Variants in ST3GAL1 observed in about 807,000 individuals in gnomAD.
ST3GAL1 encodes the protein ST3 beta-galactoside alpha-2,3-sialyltransferase 1.
A neutral mutation model predicts 34.1 loss-of-function variants in ST3GAL1; 16 were observed. The ratio of observed to expected loss-of-function variants is 0.47; its 90% confidence interval spans 0.32 to 0.71. The LOEUF (loss-of-function observed/expected upper bound fraction) is 0.71. ST3GAL1 is among the 30% of genes least tolerant of loss of function. The pLI, the probability that ST3GAL1 is intolerant of heterozygous loss-of-function variation, is 0.04. For missense variants in ST3GAL1, 353 were observed against 447.4 expected, an observed-to-expected ratio of 0.79 and a Z score of 1.90; for synonymous variants, 191 against 184.7, an observed-to-expected ratio of 1.03 and a Z score of -0.28.
chr8:133,462,529 G>A (rs912325736), intron 8 of ST3GAL1, among the ~76,000 whole-genome samples: 1 of 152,224 alleles, frequency 6.6e-6, no homozygotes, highest in African/African-American at 2.4e-5. Context: ...CAGTGGCTGA[G>A]CTGGGAGGAG....
At position 133,496,028 on chromosome 8, in the gene ST3GAL1, C is replaced by A. The variant is rs116447499; in HGVS notation, c.-374+3107G>T. ...AATTGACAGACGGACAGATGGATAA[C>A]CCAGTAGTGCTGAATGATGATGGGC... On this transcript the variant is annotated intron_variant, in intron 3 of 9. Transcript: ENST00000522652. 8.4e-3 allele frequency among the ~76,000 whole-genome samples: 1,278 copies of A among 152,258 alleles called. 19 individuals are homozygous for A. The highest frequency in any genetic ancestry group is 0.029 in the African/African-American group (1,211 of 41,528).
chr8:133,557,506 A>G (rs996955685), intron 1 of ST3GAL1, among the ~76,000 whole-genome samples: 2 of 152,052 alleles, frequency 1.3e-5, no homozygotes, highest in African/African-American at 2.4e-5. Context: ...CTGCCTGATG[A>G]TGGGTTGAGC....
At position 133,456,163 on chromosome 8, in the gene ST3GAL1, C is replaced by G. The variant is rs1275507880; in HGVS notation, c.*3601G>C. On this transcript the variant is annotated 3_prime_UTR_variant, in exon 10 of 10. Transcript: ENST00000522652. Reference sequence around the variant, plus strand: ...CATCCATTTATGAACTTTCTTCCAGCCCAGGATCCCTGCAGAGAACCAGAG... The same window carrying G: ...CATCCATTTATGAACTTTCTTCCAGGCCAGGATCCCTGCAGAGAACCAGAG... 6.6e-6 allele frequency: 1 copy of G among 152,218 alleles called. No homozygotes were observed. Among genetic ancestry groups the G allele is most frequent in the Non-Finnish European group, 1.5e-5 (1 of 68,040 alleles). 9.4% of individuals were successfully genotyped at this position (152,218 alleles called of 1,614,324 possible).
intron 2 of ST3GAL1, among the ~76,000 whole-genome samples, chr8:133,525,967 T>A (rs947666821): frequency 2.0e-5 from 3 of 152,172 alleles, no homozygotes; most frequent in African/African-American, 7.2e-5. Flanking sequence ...TCAGGGCTCC[T>A]GCCCTGCCAA....
chr8:133,541,106 T>TAGAGAG lies in ST3GAL1; in HGVS notation c.-429+4667_-429+4668insCTCTCT, dbSNP rs1563734604. On this transcript the variant is annotated intron_variant, in intron 2 of 9. Coordinates refer to ENST00000522652, the MANE Select transcript of ST3GAL1 (RefSeq NM_173344.3). ...ACATATATATATAAACATATATATA[T>TAGAGAG]ATATATATATATATAGAGAGAGAGA... is the stretch of plus-strand genomic sequence containing the variant. Among the ~76,000 whole-genome samples the TAGAGAG allele has an allele frequency of 9.9e-5, 5 of 50,326 alleles. No homozygotes were observed. In the South Asian group the frequency reaches 3.7e-3, roughly 37 times the overall value. The allele number at this position is 50,326 out of a possible 152,430, so 33.0% of individuals were successfully genotyped here. A position where few individuals can be genotyped will look rare whatever the true frequency, so the allele number is the denominator to read the frequency against.
intron 2 of ST3GAL1, among the ~76,000 whole-genome samples, chr8:133,506,281 GAAC>G (rs77154164): frequency 0.059 from 9,043 of 152,238 alleles, 368 homozygotes; most frequent in Non-Finnish European, 0.095. Context: ...TGTAAGATGA[GAAC>G]AACAGGACTG....
At chr8:133,491,582 C>T (rs7012778) in intron 3 of ST3GAL1, among the ~76,000 whole-genome samples, 141,688 of 152,250 alleles carry the variant, frequency 0.93, 65,970 homozygotes, top group East Asian at 1. Context: ...CGTGACTTCA[C>T]GGAAATATTT....
chr8:133,478,443 C>T lies in ST3GAL1; in HGVS notation c.-373-1843G>A, dbSNP rs569324758. Among the ~76,000 whole-genome samples the T allele has an allele frequency of 1.1e-3, 174 of 152,266 alleles. 1 individual carries two copies. Among genetic ancestry groups the T allele is most frequent in the South Asian group, 1.9e-3 (9 of 4,820 alleles). ...TAGAAGAGACTAGAGCTGAACAACC[C>T]GAACAAATGGTGCTAAATCCCTGAT... On this transcript the variant is annotated intron_variant, in intron 3 of 9. Coordinates refer to ENST00000522652, the MANE Select transcript of ST3GAL1 (RefSeq NM_173344.3).
At chr8:133,464,667 G>T in intron 7 of ST3GAL1, 111 bp downstream of exon 7, 1 of 1,218,234 alleles carries the variant, frequency 8.2e-7, no homozygotes, top group Non-Finnish European at 1.2e-6. Context: ...GGAGGAGGCT[G>T]GGGGAGGGGA....
intron 4 of ST3GAL1, 74 bp downstream of exon 4, chr8:133,476,204 A>T (rs948106259): frequency 3.1e-6 from 2 of 642,476 alleles, no homozygotes; most frequent in Non-Finnish European, 5.2e-6. Context: ...ATGACCCCCA[A>T]CTGTGTCCCA....
intron 2 of ST3GAL1, among the ~76,000 whole-genome samples, chr8:133,535,525 ATT>A (rs112708766): frequency 9.7e-5 from 14 of 145,022 alleles, no homozygotes; most frequent in East Asian, 2.0e-4. Context: ...GTATTTTTTA[ATT>A]TTTTTTTTTA....
chr8:133,569,597 G>C (rs763721423), intron 1 of ST3GAL1, among the ~76,000 whole-genome samples: 1 of 152,158 alleles, frequency 6.6e-6, no homozygotes, highest in Non-Finnish European at 1.5e-5. Context: ...TATTGGCAGA[G>C]GCTGAGGGGC....
chr8:133,478,606 C>T (rs7838656), intron 3 of ST3GAL1, among the ~76,000 whole-genome samples: 73,613 of 152,022 alleles, frequency 0.48, 18,078 homozygotes, highest in Admixed American at 0.55. Context: ...CTCCTACCTC[C>T]GTGTCCCTGC....
At chr8:133,530,307 G>T (rs1818113949) in intron 2 of ST3GAL1, among the ~76,000 whole-genome samples, 1 of 149,262 alleles carries the variant, frequency 6.7e-6, no homozygotes, top group African/African-American at 2.5e-5. Context: ...TTGAGACAGA[G>T]TTTTGCTCTT....
intron 8 of ST3GAL1, among the ~76,000 whole-genome samples, chr8:133,462,298 T>C (rs78402699): frequency 7.8e-4 from 118 of 152,114 alleles, no homozygotes; most frequent in African/African-American, 2.7e-3. Context: ...GGGAGTGAGA[T>C]GGGAGGCTGC....
intron 1 of ST3GAL1, among the ~76,000 whole-genome samples, chr8:133,568,058 A>G (rs1586676823): frequency 6.7e-6 from 1 of 148,818 alleles, no homozygotes; most frequent in African/African-American, 2.6e-5. Flanking sequence ...GTAGCTGGGT[A>G]CTACAGGAGC....
At chr8:133,561,536 G>A (rs1819221908) in intron 1 of ST3GAL1, among the ~76,000 whole-genome samples, 1 of 152,148 alleles carries the variant, frequency 6.6e-6, no homozygotes, top group Non-Finnish European at 1.5e-5. Context: ...TGTAAATGGT[G>A]GTCGTGGTGG....
rs1044226050 is a variant in ST3GAL1, at chr8:133,455,385, G to C, written c.*4379C>G. ...GCTCTTTTGGTAAGAAAAAATAGTC[G>C]GTAATGCCCTGATCCTGACAAGCTG... On this transcript the variant is annotated 3_prime_UTR_variant, in exon 10 of 10. Transcript: ENST00000522652. 3.9e-5 allele frequency: 6 copies of C among 152,262 alleles called. No individual in the cohort carries two copies. Among genetic ancestry groups the C allele is most frequent in the African/African-American group, 1.4e-4 (6 of 41,418 alleles). 9.4% of individuals were successfully genotyped at this position (152,262 alleles called of 1,614,324 possible).
intron 1 of ST3GAL1, among the ~76,000 whole-genome samples, chr8:133,568,463 T>G (rs1012871976): frequency 2.6e-5 from 4 of 152,186 alleles, no homozygotes; most frequent in Non-Finnish European, 5.9e-5. Context: ...AGTCTTATTC[T>G]AGAATTCTTT....
Sources: gnomAD v4.1 joint callset for allele counts (sites outside exome capture counted in the v4.1 genomes callset) on GRCh38, gnomAD v4.1.1 for gene constraint, MANE v1.5 for transcripts, NCBI Gene and HGNC (gene_info 2026-07-23, HGNC 2026-07-21) for gene names.